The following TAS1R3 variants were observed in gnomAD, a reference collection of about 807,000 sequenced individuals.
TAS1R3 encodes taste receptor type 1 member 3.
A neutral mutation model predicts 46.1 loss-of-function variants in TAS1R3; 58 were observed. That is an observed-to-expected ratio of 1.26 (90% CI 1.02 to 1.57). The LOEUF is 1.57. TAS1R3 is among the 40% of genes most tolerant of loss of function. TAS1R3 has a pLI of 0.00. For missense variants in TAS1R3, 1,422 were observed against 1,185.8 expected (o/e 1.20, Z -2.93); for synonymous variants, 724 against 544.7 (o/e 1.33, Z -4.58).
At position 1,333,487 on chromosome 1, in the gene TAS1R3, C is replaced by T; in HGVS notation, c.1601-19C>T. Reference sequence around the variant, plus strand: ...CAGGGTACAAGACGAACACCCAGCGCCCTTCTCCTCTCTCACAGACGACAT... The same window carrying T: ...CAGGGTACAAGACGAACACCCAGCGTCCTTCTCCTCTCTCACAGACGACAT... On this transcript the variant is annotated intron_variant, in intron 5 of 5. Transcript: ENST00000339381. 4 of 1,600,076 alleles carry T rather than the reference C, an allele frequency of 2.5e-6. No homozygotes were observed. Among genetic ancestry groups the T allele is most frequent in the South Asian group, 1.1e-5 (1 of 90,850 alleles).
chr1:1,331,804 GCAGGCAGCCGCGACAT>G lies in TAS1R3; in HGVS notation c.360_375del (p.Gly121ProfsTer49), dbSNP rs1643433140. On this transcript the variant is annotated frameshift_variant, in exon 2 of 6. Coordinates refer to ENST00000339381, the MANE Select transcript of TAS1R3 (RefSeq NM_152228.3). LOFTEE classifies it high-confidence loss of function. ...GCCCAGCCTCATGTTCCTGGCCAAG[GCAGGCAGCCGCGACAT>G]CGCCGCCTACTGCAACTACACGCAG... 2 of 1,612,732 alleles carry G rather than the reference GCAGGCAGCCGCGACAT, an allele frequency of 1.2e-6. No individual in the cohort carries two copies. Among genetic ancestry groups the G allele is most frequent in the Admixed American group, 3.3e-5 (2 of 60,010 alleles).
rs1378610874 is a variant in TAS1R3 at position 1,331,535 on chromosome 1, A to G, written c.190A>G (p.Arg64Gly). 1.9e-6 allele frequency: 3 copies of G among 1,598,146 alleles called. No homozygotes were observed. The highest frequency in any genetic ancestry group is 1.7e-6 in the Non-Finnish European group (2 of 1,172,794). Residue 64 changes from arginine to glycine, a missense_variant and splice_region_variant, in exon 1 of 6, where the codon AGG becomes GGG. Arg to Gly is a moderately radical substitution (Grantham distance 125). Coordinates refer to ENST00000339381, the MANE Select transcript of TAS1R3 (RefSeq NM_152228.3). ...ACGGCCCAGCAGCCCTGTGTGCACCAGGTACAGAGGTGGGACGGCCTGGGT... is the reference window on the plus strand; with the variant it reads ...ACGGCCCAGCAGCCCTGTGTGCACCGGGTACAGAGGTGGGACGGCCTGGGT... ...RTRPSSPVCT[R>G]FSSNGLLWAL...
Position 1,333,745 on chromosome 1 carries a change from C to T in TAS1R3, c.1840C>T (p.Leu614=). 3.1e-6 allele frequency: 5 copies of T among 1,602,350 alleles called. No homozygotes were observed. Among genetic ancestry groups the T allele is most frequent in the Non-Finnish European group, 4.2e-6 (5 of 1,176,474 alleles). The part of the protein sequence containing the change: ...GPLACFGLVC[L]GLVCLSVLLF... ...CCTGGCCTGCTTTGGCCTGGTGTGC[C>T]TGGGCCTGGTCTGCCTCAGCGTCCT... Residue 614 remains leucine, a synonymous_variant, in exon 6 of 6, where the codon CTG becomes TTG. Coordinates refer to ENST00000339381, the MANE Select transcript of TAS1R3 (RefSeq NM_152228.3).
chr1:1,333,346 G>A lies in TAS1R3; in HGVS notation c.1567G>A (p.Asp523Asn), dbSNP rs1176368045. The change falls in exon 5 of 6, where the codon GAC becomes AAC. Residue 523 changes from aspartate (D) to asparagine (N), a missense_variant. Coordinates refer to ENST00000339381, the MANE Select transcript of TAS1R3 (RefSeq NM_152228.3). ...GFHSCCYDCV[D>N]CEAGSYRQNP... ...CCACTCCTGCTGCTACGACTGTGTG[G>A]ACTGCGAGGCGGGCAGCTACCGGCA... The A allele has an allele frequency of 9.9e-6, 16 of 1,609,978 alleles. No individual in the cohort carries two copies. Among genetic ancestry groups the A allele is most frequent in the Admixed American group, 1.7e-5 (1 of 59,646 alleles).
In TAS1R3 at chr1:1,331,822, G is replaced by A. The variant is rs140037074; in HGVS notation, c.376G>A (p.Ala126Thr). The change falls in exon 2 of 6, where the codon GCC becomes ACC. Residue 126 changes from alanine to threonine, a missense_variant. Physicochemically the swap from Ala to Thr is moderately conservative, Grantham distance 58 (BLOSUM62 0). Transcript: ENST00000339381. ...FLAKAGSRDIAAYCNYTQYQP... is the reference protein window; with the variant it reads ...FLAKAGSRDITAYCNYTQYQP... ...GGCCAAGGCAGGCAGCCGCGACATC[G>A]CCGCCTACTGCAACTACACGCAGTA... The A allele has an allele frequency of 2.7e-5, 43 of 1,612,824 alleles. 1 individual carries two copies. In the East Asian group the frequency reaches 4.7e-4, roughly 18 times the overall value.
At position 1,334,411 on chromosome 1, in the gene TAS1R3, G is replaced by A. The variant is rs762705846; in HGVS notation, c.2506G>A (p.Asp836Asn). 1.9e-6 allele frequency: 3 copies of A among 1,604,796 alleles called. No homozygotes were observed. In the Admixed American group the frequency reaches 5.0e-5, roughly 27 times the overall value. The change falls in exon 6 of 6, where the codon GAT becomes AAT. Residue 836 changes from aspartate to asparagine, a missense_variant. Coordinates refer to ENST00000339381, the MANE Select transcript of TAS1R3 (RefSeq NM_152228.3). ...GTTCTTCCTGGGAGGGGGCCCTGGG[G>A]ATGCCCAAGGCCAGAATGACGGGAA... ...PEFFLGGGPG[D>N]AQGQNDGNTG...
chr1:1,331,572 TGAC>T, intron 1 of TAS1R3, 36 bp downstream of exon 1: 1 of 1,601,250 alleles, frequency 6.2e-7, no homozygotes, highest in Non-Finnish European at 8.5e-7. Flanking sequence ...GGGGTCAGGG[TGAC>T]CAGGTCTGGG....
At position 1,335,231 on chromosome 1, in the gene TAS1R3, T is replaced by A. The variant is rs1040683220; in HGVS notation, c.*767T>A. ...GGCTGGACCAGCTCCCTGTGCCTCATTCCAAGGCAGCCCAGCCGGAGAGAA... is the reference window on the plus strand; with the variant it reads ...GGCTGGACCAGCTCCCTGTGCCTCAATCCAAGGCAGCCCAGCCGGAGAGAA... On this transcript the variant is annotated 3_prime_UTR_variant, in exon 6 of 6. Transcript: ENST00000339381. The A allele has an allele frequency of 6.6e-6, 1 of 152,252 alleles. No homozygotes were observed. The highest frequency in any genetic ancestry group is 2.4e-5 in the African/African-American group (1 of 41,452). The allele number at this position is 152,252 out of a possible 1,614,324, so 9.4% of individuals were successfully genotyped here.
chr1:1,334,064 T>C lies in TAS1R3; in HGVS notation c.2159T>C (p.Val720Ala). ...DWHMLPTEAL[V>A]HCRTRSWVSF... ...CACATGCTGCCCACGGAGGCGCTGG[T>C]GCACTGCCGCACACGCTCCTGGGTC... is the stretch of plus-strand genomic sequence containing the variant. Residue 720 changes from valine to alanine, a missense_variant, in exon 6 of 6, where the codon GTG becomes GCG. By Grantham distance (64) the Val-to-Ala change is moderately conservative. Coordinates refer to ENST00000339381, the MANE Select transcript of TAS1R3 (RefSeq NM_152228.3). The C allele has an allele frequency of 1.3e-6, 2 of 1,600,002 alleles. No individual in the cohort carries two copies. Among genetic ancestry groups the C allele is most frequent in the Non-Finnish European group, 1.7e-6 (2 of 1,177,038 alleles).
In TAS1R3 at chr1:1,331,692, G is replaced by A; in HGVS notation, c.246G>A (p.Glu82=). 1 of 1,612,954 alleles carries A rather than the reference G, an allele frequency of 6.2e-7. No individual in the cohort carries two copies. The highest frequency in any genetic ancestry group is 8.5e-7 in the Non-Finnish European group (1 of 1,180,000). The change falls in exon 2 of 6, where the codon GAG becomes GAA. Residue 82 remains glutamate, a synonymous_variant. Coordinates refer to ENST00000339381, the MANE Select transcript of TAS1R3 (RefSeq NM_152228.3). ...WALAMKMAVE[E]INNKSDLLPG... Reference sequence around the variant, plus strand: ...TGGCCATGAAAATGGCCGTGGAGGAGATCAACAACAAGTCGGATCTGCTGC... The same window carrying A: ...TGGCCATGAAAATGGCCGTGGAGGAAATCAACAACAAGTCGGATCTGCTGC...
chr1:1,334,515 C>A lies in TAS1R3; in HGVS notation c.*51C>A, dbSNP rs1401024729. On this transcript the variant is annotated 3_prime_UTR_variant, in exon 6 of 6. Coordinates refer to ENST00000339381, the MANE Select transcript of TAS1R3 (RefSeq NM_152228.3). ...TGAACCCAGACTTAGCTGCGATCCC[C>A]CCCAAGCCAGCAATGACCCGTGTCT... 3 of 1,446,876 alleles carry A rather than the reference C, an allele frequency of 2.1e-6. No individual in the cohort carries two copies. Among genetic ancestry groups the A allele is most frequent in the African/African-American group, 1.4e-5 (1 of 70,408 alleles). 89.6% of individuals were successfully genotyped at this position (1,446,876 alleles called of 1,614,324 possible). A position where few individuals can be genotyped will look rare whatever the true frequency, so the allele number is the denominator to read the frequency against.
Position 1,333,712 on chromosome 1 carries a change from G to T in TAS1R3, c.1807G>T (p.Gly603Trp), listed in dbSNP as rs1442108426. 6.2e-7 allele frequency: 1 copy of T among 1,609,770 alleles called. No individual in the cohort carries two copies. Among genetic ancestry groups the T allele is most frequent in the Admixed American group, 1.7e-5 (1 of 59,830 alleles). ...HRDSPLVQAS[G>W]GPLACFGLVC... ...GGACAGCCCACTGGTTCAGGCCTCG[G>T]GGGGGCCCCTGGCCTGCTTTGGCCT... The change falls in exon 6 of 6, where the codon GGG becomes TGG. Residue 603 changes from glycine to tryptophan, a missense_variant. Transcript: ENST00000339381.
Position 1,333,668 on chromosome 1 carries a change from G to T in TAS1R3, c.1763G>T (p.Gly588Val), listed in dbSNP as rs368330911. ...LALGLVLAAL[G>V]LFVHHRDSPL... ...CTGGGCCTTGTGCTGGCTGCTTTGG[G>T]GCTGTTCGTTCACCATCGGGACAGC... Residue 588 changes from glycine to valine, a missense_variant, in exon 6 of 6, where the codon GGG (glycine) becomes GTG (valine). Transcript: ENST00000339381. 1.2e-6 allele frequency: 2 copies of T among 1,611,966 alleles called. No homozygotes were observed. The highest frequency in any genetic ancestry group is 1.3e-5 in the African/African-American group (1 of 74,944).
Position 1,331,403 on chromosome 1 carries a change from G to A in TAS1R3, c.58G>A (p.Gly20Arg). The A allele has an allele frequency of 6.2e-7, 1 of 1,605,938 alleles. No individual in the cohort carries two copies. The highest frequency in any genetic ancestry group is 8.5e-7 in the Non-Finnish European group (1 of 1,176,768). Reference protein sequence around the residue: ...SLWALLHPGTGAPLCLSQQLR... With the variant: ...SLWALLHPGTRAPLCLSQQLR... The stretch of plus-strand genomic sequence containing the variant: ...CTGGGCTCTCCTGCACCCTGGGACG[G>A]GGGCCCCATTGTGCCTGTCACAGCA... The change falls in exon 1 of 6, where the codon GGG becomes AGG. Residue 20 changes from glycine (G) to arginine (R), a missense_variant. Coordinates refer to ENST00000339381, the MANE Select transcript of TAS1R3 (RefSeq NM_152228.3).
chr1:1,334,511 TC>T lies in TAS1R3; in HGVS notation c.*54del, dbSNP rs752701749. On this transcript the variant is annotated 3_prime_UTR_variant, in exon 6 of 6. Coordinates refer to ENST00000339381, the MANE Select transcript of TAS1R3 (RefSeq NM_152228.3). Reference sequence around the variant, plus strand: ...CCGGTGAACCCAGACTTAGCTGCGATCCCCCCCAAGCCAGCAATGACCCGTG... The same window carrying T: ...CCGGTGAACCCAGACTTAGCTGCGATCCCCCCAAGCCAGCAATGACCCGTG... 118 of 1,451,522 alleles carry T rather than the reference TC, an allele frequency of 8.1e-5. No individual in the cohort carries two copies. The African/African-American group carries it at 1.0e-3, about 13-fold the overall frequency. The allele number at this position is 1,451,522 out of a possible 1,614,324, so 89.9% of individuals were successfully genotyped here.
rs1643430074 is a variant in TAS1R3 at position 1,331,710 on chromosome 1, T to C, written c.264T>C (p.Asp88=). ...MAVEEINNKS[D]LLPGLRLGYD... is the part of the protein sequence containing the mutation. ...TGGAGGAGATCAACAACAAGTCGGA[T>C]CTGCTGCCCGGGCTGCGCCTGGGCT... Residue 88 remains aspartate, a synonymous_variant, in exon 2 of 6, where the codon GAT becomes GAC. Transcript: ENST00000339381. The C allele has an allele frequency of 6.2e-7, 1 of 1,612,824 alleles. No individual in the cohort carries two copies. Among genetic ancestry groups the C allele is most frequent in the African/African-American group, 1.3e-5 (1 of 74,928 alleles).
rs111599415 is a variant in TAS1R3 at position 1,334,516 on chromosome 1, C to T, written c.*52C>T. 1.4e-6 allele frequency: 2 copies of T among 1,445,628 alleles called. No homozygotes were observed. Among genetic ancestry groups the T allele is most frequent in the Non-Finnish European group, 9.1e-7 (1 of 1,098,368 alleles). The allele number at this position is 1,445,628 out of a possible 1,614,324, so 89.6% of individuals were successfully genotyped here. ...GAACCCAGACTTAGCTGCGATCCCC[C>T]CCAAGCCAGCAATGACCCGTGTCTC... On this transcript the variant is annotated 3_prime_UTR_variant, in exon 6 of 6. Transcript: ENST00000339381.
Position 1,332,337 on chromosome 1 carries a change from A to G in TAS1R3, c.806A>G (p.Gln269Arg). 6.2e-7 allele frequency: 1 copy of G among 1,603,182 alleles called. No individual in the cohort carries two copies. The highest frequency in any genetic ancestry group is 8.5e-7 in the Non-Finnish European group (1 of 1,176,646). Reference sequence around the variant, plus strand: ...CACCAGGTGAACCAGAGCAGCGTGCAGGTGGTGCTGCTGTTCGCCTCCGTG... The same window carrying G: ...CACCAGGTGAACCAGAGCAGCGTGCGGGTGGTGCTGCTGTTCGCCTCCGTG... Reference protein sequence around the residue: ...VLHQVNQSSVQVVLLFASVHA... With the variant: ...VLHQVNQSSVRVVLLFASVHA... The change falls in exon 3 of 6, where the codon CAG (glutamine) becomes CGG (arginine). Residue 269 changes from glutamine (Q) to arginine (R), a missense_variant. Coordinates refer to ENST00000339381, the MANE Select transcript of TAS1R3 (RefSeq NM_152228.3).
At position 1,331,991 on chromosome 1, in the gene TAS1R3, CCT is replaced by C. The variant is rs772902539; in HGVS notation, c.493-32_493-31del. On this transcript the variant is annotated intron_variant, in intron 2 of 5. Transcript: ENST00000339381. ...CCACCCAGCCCTGCCCGTGGGAGCCCCTGTGTCAGGAGATGCCTCTTGGCCCT... is the reference window on the plus strand; with the variant it reads ...CCACCCAGCCCTGCCCGTGGGAGCCCGTGTCAGGAGATGCCTCTTGGCCCT... 1.9e-4 allele frequency: 312 copies of C among 1,610,720 alleles called. 1 individual carries two copies. Among genetic ancestry groups the C allele is most frequent in the Non-Finnish European group, 2.2e-4 (263 of 1,179,136 alleles).
Sources: gnomAD v4.1 joint callset for allele counts on GRCh38, gnomAD v4.1.1 for gene constraint, MANE v1.5 for transcripts, NCBI Gene and HGNC (gene_info 2026-07-23, HGNC 2026-07-21) for gene names.